Variants in EXOC2 observed in about 807,000 individuals in gnomAD.
The protein encoded by EXOC2 is SEC5-like 1.
A neutral mutation model predicts 131.8 loss-of-function variants in EXOC2; 70 were observed. The observed-to-expected ratio is 0.53, with a 90% confidence interval of 0.44 to 0.65. EXOC2 has a LOEUF of 0.65. Ranked by LOEUF, EXOC2 falls within the 30% of genes least tolerant of loss-of-function variation. EXOC2 has a pLI of 0.00. For synonymous variants in EXOC2, 411 were observed against 398.4 expected, an observed-to-expected ratio of 1.03 and a Z score of -0.38; for missense variants, 923 against 1,108.6, an observed-to-expected ratio of 0.83 and a Z score of 2.38.
intron 13 of EXOC2, among the ~76,000 whole-genome samples, chr6:565,873 C>A (rs982113045): frequency 6.6e-6 from 1 of 152,006 alleles, no homozygotes; most frequent in Non-Finnish European, 1.5e-5. Context: ...ATAAAAACTG[C>A]GTGTAGGGTT....
At chr6:627,655 A>G (rs1333545199) in intron 4 of EXOC2, among the ~76,000 whole-genome samples, 2 of 151,788 alleles carry the variant, frequency 1.3e-5, no homozygotes, top group Admixed American at 1.3e-4. Context: ...ATCTTTCGGC[A>G]TTTCTCATTG....
intron 1 of EXOC2, among the ~76,000 whole-genome samples, chr6:657,531 T>A (rs1282279213): frequency 6.6e-6 from 1 of 152,230 alleles, no homozygotes; most frequent in East Asian, 1.9e-4. Context: ...TTTGGATGAT[T>A]TCCAATTTTT....
intron 1 of EXOC2, among the ~76,000 whole-genome samples, chr6:682,537 T>C (rs1764460160): frequency 6.6e-6 from 1 of 152,144 alleles, no homozygotes; most frequent in African/African-American, 2.4e-5. Flanking sequence ...CCACACATGA[T>C]TACTTAACTA....
rs1046732086 is a variant in EXOC2 at position 486,525 on chromosome 6, A to G, written c.*146T>C. ...AATGAGGTCATTTTGGTTGAAATGT[A>G]TACCAACAATTTTCGAAGTCAGAGG... On this transcript the variant is annotated 3_prime_UTR_variant, in exon 28 of 28. Transcript: ENST00000230449. 6.0e-6 allele frequency: 4 copies of G among 667,094 alleles called. No homozygotes were observed. The highest frequency in any genetic ancestry group is 5.4e-5 in the African/African-American group (3 of 55,514). The allele number at this position is 667,094 out of a possible 1,614,324, so 41.3% of individuals were successfully genotyped here. A position where few individuals can be genotyped will look rare whatever the true frequency, so the allele number is the denominator to read the frequency against.
intron 2 of EXOC2, among the ~76,000 whole-genome samples, chr6:636,198 G>A (rs1411110027): frequency 6.6e-6 from 1 of 152,222 alleles, no homozygotes; most frequent in East Asian, 1.9e-4. Flanking sequence ...GACTGCCAGC[G>A]AAAATTCTGG....
intron 17 of EXOC2, 101 bp from the exon 18 acceptor site, chr6:556,665 A>G: frequency 8.2e-7 from 1 of 1,226,748 alleles, no homozygotes; most frequent in Non-Finnish European, 1.2e-6. Context: ...CATTTTCCAG[A>G]TTAATGGAAT....
chr6:578,573 C>T (rs762102574), intron 11 of EXOC2, among the ~76,000 whole-genome samples: 8 of 152,220 alleles, frequency 5.3e-5, no homozygotes, highest in Non-Finnish European at 1.0e-4. Flanking sequence ...CAGATCCCCA[C>T]AAATTCTAGC....
chr6:640,663 G>A (rs773207679), intron 1 of EXOC2, among the ~76,000 whole-genome samples: 1 of 152,128 alleles, frequency 6.6e-6, no homozygotes, highest in Non-Finnish European at 1.5e-5. Flanking sequence ...CACACAGAGG[G>A]AAGGACATAC....
chr6:599,592 G>A (rs1760015146), intron 7 of EXOC2, among the ~76,000 whole-genome samples: 1 of 152,102 alleles, frequency 6.6e-6, no homozygotes, highest in African/African-American at 2.4e-5. Context: ...GCATGTATGT[G>A]CATACACGTG....
intron 9 of EXOC2, 93 bp downstream of exon 9, chr6:598,767 C>A: frequency 3.0e-6 from 3 of 1,000,264 alleles, no homozygotes; most frequent in Non-Finnish European, 4.4e-6. Context: ...TAAACAAAAA[C>A]TAAAAACTCA....
intron 11 of EXOC2, among the ~76,000 whole-genome samples, chr6:586,979 C>T (rs1759244151): frequency 6.6e-6 from 1 of 152,170 alleles, no homozygotes; most frequent in African/African-American, 2.4e-5. Flanking sequence ...TAAAATGTCA[C>T]AATTATGAGA....
rs1248422896 is a variant in EXOC2 at position 555,989 on chromosome 6, C to T, written c.1957G>A (p.Glu653Lys). The change falls in exon 19 of 28, where the codon GAG (glutamate) becomes AAG (lysine). Residue 653 changes from glutamate to lysine, a missense_variant. By Grantham distance (56) the Glu-to-Lys change is moderately conservative. Coordinates refer to ENST00000230449, the MANE Select transcript of EXOC2 (RefSeq NM_018303.6). Reference sequence around the variant, plus strand: ...TTGATGCTTAGCTGGCAAACCTCCTCCTGTGTTTTAGGTTGTTGGAAGACC... The same window carrying T: ...TTGATGCTTAGCTGGCAAACCTCCTTCTGTGTTTTAGGTTGTTGGAAGACC... Reference protein sequence around the residue: ...ASVFQQPKTQEEVCQLSINIM... With the variant: ...ASVFQQPKTQKEVCQLSINIM... 1.2e-6 allele frequency: 2 copies of T among 1,614,080 alleles called. No homozygotes were observed. Among genetic ancestry groups the T allele is most frequent in the Non-Finnish European group, 1.7e-6 (2 of 1,180,010 alleles).
chr6:555,089 A>T (rs1757348674), intron 20 of EXOC2, 138 bp downstream of exon 20: 2 of 446,888 alleles, frequency 4.5e-6, no homozygotes, highest in African/African-American at 4.0e-5. Flanking sequence ...GTCGAATATA[A>T]AAAAAAACTA....
chr6:612,475 C>T (rs2127666964), intron 6 of EXOC2, among the ~76,000 whole-genome samples: 1 of 152,284 alleles, frequency 6.6e-6, no homozygotes, highest in East Asian at 1.9e-4. Context: ...TCAGAGTAGA[C>T]AAATCATATA....
intron 11 of EXOC2, among the ~76,000 whole-genome samples, chr6:590,158 A>C (rs945659976): frequency 1.3e-5 from 2 of 152,054 alleles, no homozygotes; most frequent in African/African-American, 4.8e-5. Flanking sequence ...ATGGGCCCTT[A>C]AGGTTGAGAG....
At chr6:616,931 G>A (rs1241679239) in intron 6 of EXOC2, among the ~76,000 whole-genome samples, 1 of 151,860 alleles carries the variant, frequency 6.6e-6, no homozygotes. Flanking sequence ...AGTAGAGAGG[G>A]AGGAGGGGGA....
chr6:555,341 T>A, intron 19 of EXOC2, 53 bp from the exon 20 acceptor site: 2 of 1,170,270 alleles, frequency 1.7e-6, no homozygotes, highest in Non-Finnish European at 2.4e-6. Flanking sequence ...TCCTAGACAT[T>A]AATCTATTTG....
At chr6:500,962 GT>G (rs1313741669) in intron 23 of EXOC2, among the ~76,000 whole-genome samples, 1 of 148,996 alleles carries the variant, frequency 6.7e-6, no homozygotes, top group African/African-American at 2.5e-5. Context: ...TAAGGACACG[GT>G]TTTTCTTTTG....
intron 16 of EXOC2, 137 bp from the exon 17 acceptor site, chr6:562,982 T>C (rs931186391): frequency 1.9e-6 from 1 of 531,498 alleles, no homozygotes. Flanking sequence ...AGGCAAAGAA[T>C]ATAATTTTGG....
Sources: gnomAD v4.1 joint callset for allele counts (sites outside exome capture counted in the v4.1 genomes callset) on GRCh38, gnomAD v4.1.1 for gene constraint, MANE v1.5 for transcripts, NCBI Gene and HGNC (gene_info 2026-07-23, HGNC 2026-07-21) for gene names.